The following CDH4 variants were observed in gnomAD, a reference collection of about 807,000 sequenced individuals.
CDH4 encodes the protein cadherin-4.
Under a neutral mutation model 86.0 loss-of-function variants are expected in CDH4, and 33 were observed. The observed-to-expected ratio is 0.38, with a 90% CI of 0.29 to 0.51. CDH4 has a LOEUF of 0.51. Ranked by LOEUF, CDH4 falls within the 20% of genes least tolerant of loss-of-function variation. The pLI is 0.86. For missense variants in CDH4, 1,114 were observed against 1,307.4 expected (o/e 0.85, Z 2.28); for synonymous variants, 555 against 549.4 (o/e 1.01, Z -0.14).
intron 2 of CDH4, among the ~76,000 whole-genome samples, chr20:61,521,093 C>T (rs114368213): frequency 0.025 from 3,841 of 152,234 alleles, 126 homozygotes; most frequent in African/African-American, 0.066. Flanking sequence ...GTGTCTTTTG[C>T]GATCATCCCA....
Position 61,728,082 on chromosome 20 carries a change from C to T in CDH4, c.170-15481C>T, listed in dbSNP as rs931770516. On this transcript the variant is annotated intron_variant, in intron 2 of 15. Transcript: ENST00000614565. ...CTCAGTGAGTGAGATTTAGCCAGGG[C>T]CTGAGCAGGCCACCTACCCTAGGAG... 3.3e-5 allele frequency among the ~76,000 whole-genome samples: 5 copies of T among 152,194 alleles called. No individual in the cohort carries two copies. In the South Asian group the frequency reaches 6.2e-4, roughly 19 times the overall value.
At position 61,937,214 on chromosome 20, in the gene CDH4, T is replaced by TTTG. The variant is rs2055203025; in HGVS notation, c.*273_*274insGTT. On this transcript the variant is annotated 3_prime_UTR_variant, in exon 16 of 16. Coordinates refer to ENST00000614565, the MANE Select transcript of CDH4 (RefSeq NM_001794.5). Reference sequence around the variant, plus strand: ...TGAATTTCCTAGAACAGAAGCACTGTTTTTAAAAAAAAAAAAAAAAAAAGA... The same window carrying TTTG: ...TGAATTTCCTAGAACAGAAGCACTGTTTGTTTTAAAAAAAAAAAAAAAAAAAGA... 1 of 222,030 alleles carries TTTG rather than the reference T, an allele frequency of 4.5e-6. No individual in the cohort carries two copies. The highest frequency in any genetic ancestry group is 7.8e-6 in the Non-Finnish European group (1 of 128,132). The allele number at this position is 222,030 out of a possible 1,614,324, so 13.8% of individuals were successfully genotyped here.
chr20:61,863,204 C>T (rs1983404303), intron 6 of CDH4, among the ~76,000 whole-genome samples: 1 of 152,250 alleles, frequency 6.6e-6, no homozygotes, highest in Admixed American at 6.5e-5. Flanking sequence ...TCCGCTGTCT[C>T]CCCCTTTACC....
At chr20:61,421,697 G>A (rs1002278994) in intron 2 of CDH4, among the ~76,000 whole-genome samples, 8 of 152,330 alleles carry the variant, frequency 5.3e-5, no homozygotes, top group Non-Finnish European at 1.0e-4. Context: ...TGACACAGGT[G>A]GATGTGAGTC....
At chr20:61,534,648 C>CTTTCTTTTTTTTTTTTTTTTTTTTTTTTT (rs1568881693) in intron 2 of CDH4, among the ~76,000 whole-genome samples, 2 of 108,384 alleles carry the variant, frequency 1.8e-5, no homozygotes, top group African/African-American at 5.3e-5. Flanking sequence ...TTCTTTCTTT[C>CTTTCTTTTTTTTTTTTTTTTTTTTTTTTT]TTTTCTTTCT....
At chr20:61,427,076 G>A (rs1343567727) in intron 2 of CDH4, among the ~76,000 whole-genome samples, 1 of 152,202 alleles carries the variant, frequency 6.6e-6, no homozygotes, top group Non-Finnish European at 1.5e-5. Flanking sequence ...GAAAAATCAG[G>A]AAAGTAAATA....
intron 2 of CDH4, 152 bp from the exon 3 acceptor site, chr20:61,743,411 A>G: frequency 4.7e-6 from 3 of 645,130 alleles, no homozygotes; most frequent in African/African-American, 1.8e-5. Context: ...GAGATAAAAC[A>G]CACCACCTTC....
At chr20:61,529,766 C>A (rs993209841) in intron 2 of CDH4, among the ~76,000 whole-genome samples, 1 of 152,162 alleles carries the variant, frequency 6.6e-6, no homozygotes, top group Non-Finnish European at 1.5e-5. Context: ...CAGAACTTCT[C>A]GTTCTTGCTC....
At chr20:61,453,672 C>A (rs1382867683) in intron 2 of CDH4, among the ~76,000 whole-genome samples, 1 of 152,156 alleles carries the variant, frequency 6.6e-6, no homozygotes, top group African/African-American at 2.4e-5. Flanking sequence ...TATTTAAAAA[C>A]CAAATACTTG....
chr20:61,611,529 T>G (rs879666830), intron 2 of CDH4, among the ~76,000 whole-genome samples: 2 of 152,026 alleles, frequency 1.3e-5, no homozygotes, highest in Non-Finnish European at 2.9e-5. Context: ...TCTGGCTTCC[T>G]GTGTGAGCAC....
At chr20:61,349,162 A>G (rs2084695982) in intron 2 of CDH4, among the ~76,000 whole-genome samples, 1 of 152,206 alleles carries the variant, frequency 6.6e-6, no homozygotes, top group South Asian at 2.1e-4. Flanking sequence ...ACTTCTCAGG[A>G]ACCGGCCTGC....
At chr20:61,292,900 C>T (rs2084330898) in intron 2 of CDH4, among the ~76,000 whole-genome samples, 2 of 152,206 alleles carry the variant, frequency 1.3e-5, no homozygotes. Context: ...TGCCTCTGTG[C>T]CCTAGGAGGG....
rs545313072 is a variant in CDH4 at position 61,541,402 on chromosome 20, G to A, written c.170-202161G>A. 3.8e-4 allele frequency among the ~76,000 whole-genome samples: 58 copies of A among 152,342 alleles called. 2 individuals are homozygous for A. The South Asian group carries it at 0.011, about 28-fold the overall frequency. On this transcript the variant is annotated intron_variant, in intron 2 of 15. Transcript: ENST00000614565. Reference sequence around the variant, plus strand: ...GATGTTTTATTTGTGTGTTTTCCATGTAGGGTGTGTTTCTGTTTTTATTAA... The same window carrying A: ...GATGTTTTATTTGTGTGTTTTCCATATAGGGTGTGTTTCTGTTTTTATTAA...
At chr20:61,409,414 T>C (rs1382052822) in intron 2 of CDH4, among the ~76,000 whole-genome samples, 1 of 152,234 alleles carries the variant, frequency 6.6e-6, no homozygotes, top group East Asian at 1.9e-4. Flanking sequence ...GACCAACTCA[T>C]CTGGATCAAA....
chr20:61,560,677 G>A (rs1240184115), intron 2 of CDH4, among the ~76,000 whole-genome samples: 1 of 152,240 alleles, frequency 6.6e-6, no homozygotes, highest in Non-Finnish European at 1.5e-5. Flanking sequence ...CAGAGGCCTT[G>A]GAATGCTGCC....
At chr20:61,419,143 T>C (rs2085163288) in intron 2 of CDH4, among the ~76,000 whole-genome samples, 1 of 151,800 alleles carries the variant, frequency 6.6e-6, no homozygotes, top group Admixed American at 6.6e-5. Flanking sequence ...CCTCGCAGGG[T>C]TTGGTGGGAC....
intron 7 of CDH4, among the ~76,000 whole-genome samples, chr20:61,886,836 G>A (rs1285784704): frequency 6.6e-6 from 1 of 152,204 alleles, no homozygotes; most frequent in Non-Finnish European, 1.5e-5. Context: ...AGCGAGGCCT[G>A]TTGGGGCACC....
In CDH4 at chr20:61,310,846, G is replaced by T. The variant is rs77897557; in HGVS notation, c.169+55909G>T. ...TGCGTCCTAGCTCCCTCTTCCCACA[G>T]GGACACCAGTCACCTCAGATTGGAG... On this transcript the variant is annotated intron_variant, in intron 2 of 15. Coordinates refer to ENST00000614565, the MANE Select transcript of CDH4 (RefSeq NM_001794.5). 6.3e-3 allele frequency among the ~76,000 whole-genome samples: 959 copies of T among 152,232 alleles called. 7 individuals are homozygous for T. Among genetic ancestry groups the T allele is most frequent in the African/African-American group, 0.022 (893 of 41,526 alleles).
intron 3 of CDH4, among the ~76,000 whole-genome samples, chr20:61,767,013 C>A (rs1351487381): frequency 2.0e-5 from 3 of 152,220 alleles, no homozygotes; most frequent in African/African-American, 7.2e-5. Context: ...ACAGCTTGGG[C>A]TCCAGTCCTG....
Sources: gnomAD v4.1 joint callset for allele counts (sites outside exome capture counted in the v4.1 genomes callset) on GRCh38, gnomAD v4.1.1 for gene constraint, MANE v1.5 for transcripts, NCBI Gene and HGNC (gene_info 2026-07-23, HGNC 2026-07-21) for gene names.